RBFOX1: variants seen among roughly 807,000 people sequenced by gnomAD.
RBFOX1 encodes the protein RNA binding protein fox-1 homolog 1.
RBFOX1 carries 8 observed loss-of-function variants against 57.7 expected under a neutral mutation model. That is an observed-to-expected ratio of 0.14 (90% CI 0.08 to 0.25). The LOEUF (loss-of-function observed/expected upper bound fraction) is 0.25, where lower values mean the gene tolerates loss of function less well. RBFOX1 is among the 10% of genes least tolerant of loss of function. The probability of loss-of-function intolerance (pLI) is 1.00; values close to 1 mark genes in which losing one functional copy is unlikely to be tolerated. For missense variants in RBFOX1, 611 were observed against 548.5 expected (o/e 1.11, Z -1.14); for synonymous variants, 326 against 222.4 (o/e 1.47, Z -4.15).
At chr16:7,005,351 A>G (rs2093205371) in intron 3 of RBFOX1, among the ~76,000 whole-genome samples, 1 of 152,100 alleles carries the variant, frequency 6.6e-6, no homozygotes, top group South Asian at 2.1e-4. Flanking sequence ...GGGGAGAAAG[A>G]CTAAGTTGAC....
intron 4 of RBFOX1, among the ~76,000 whole-genome samples, chr16:7,446,326 C>A (rs1201476496): frequency 6.6e-6 from 1 of 152,106 alleles, no homozygotes; most frequent in East Asian, 1.9e-4. Flanking sequence ...GTCACTTTAT[C>A]CATGTTGTCC....
chr16:6,339,379 A>C (rs1328600222), intron 2 of RBFOX1, among the ~76,000 whole-genome samples: 1 of 152,206 alleles, frequency 6.6e-6, no homozygotes, highest in Non-Finnish European at 1.5e-5. Context: ...GGGTTACAGC[A>C]GAGAAAGTGG....
At chr16:5,698,700 T>C (rs1309305411) in intron 3 of RBFOX1, among the ~76,000 whole-genome samples, 1 of 152,222 alleles carries the variant, frequency 6.6e-6, no homozygotes, top group Non-Finnish European at 1.5e-5. Flanking sequence ...GCAACCCAAA[T>C]GTCTATTAAC....
At chr16:7,308,825 T>G (rs1485309220) in intron 4 of RBFOX1, among the ~76,000 whole-genome samples, 3 of 152,216 alleles carry the variant, frequency 2.0e-5, no homozygotes, top group African/African-American at 4.8e-5. Flanking sequence ...TTATAAATTT[T>G]GGAAACATTA....
chr16:7,166,265 C>G (rs909240922), intron 4 of RBFOX1, among the ~76,000 whole-genome samples: 1 of 141,618 alleles, frequency 7.1e-6, no homozygotes, highest in African/African-American at 2.4e-5. Context: ...CCACCCTTGT[C>G]GGACTTCCCA....
At chr16:6,429,975 A>G (rs2094031522) in intron 2 of RBFOX1, among the ~76,000 whole-genome samples, 1 of 151,960 alleles carries the variant, frequency 6.6e-6, no homozygotes, top group Non-Finnish European at 1.5e-5. Flanking sequence ...AGGTATGGTG[A>G]CACATGCCTG....
intron 2 of RBFOX1, among the ~76,000 whole-genome samples, chr16:6,579,935 C>A (rs574533751): frequency 6.6e-6 from 1 of 151,894 alleles, no homozygotes; most frequent in Non-Finnish European, 1.5e-5. Flanking sequence ...GGTTCATGGA[C>A]CTGTTCATCT....
chr16:7,120,815 T>TA (rs1567336352), intron 4 of RBFOX1, among the ~76,000 whole-genome samples: 9 of 113,588 alleles, frequency 7.9e-5, no homozygotes, highest in South Asian at 3.2e-4. Context: ...ATGTAATATT[T>TA]TATATATGTA....
intron 3 of RBFOX1, among the ~76,000 whole-genome samples, chr16:6,953,071 C>G (rs1287531836): frequency 1.3e-5 from 2 of 152,094 alleles, no homozygotes; most frequent in African/African-American, 4.8e-5. Context: ...GGTGGCGAAA[C>G]CAAGCCACAA....
intron 4 of RBFOX1, among the ~76,000 whole-genome samples, chr16:7,292,149 ATAAT>A (rs1483117388): frequency 7.6e-6 from 1 of 131,190 alleles, no homozygotes; most frequent in South Asian, 2.3e-4. Context: ...CGTATGATAT[ATAAT>A]ATAGAACGTA....
intron 1 of RBFOX1, among the ~76,000 whole-genome samples, chr16:5,417,580 A>G (rs1282413343): frequency 1.3e-5 from 2 of 152,202 alleles, no homozygotes; most frequent in South Asian, 2.1e-4. Context: ...GAAAACAACC[A>G]GAAGAGAGCA....
intron 3 of RBFOX1, among the ~76,000 whole-genome samples, chr16:7,031,866 C>A (rs2042888476): frequency 2.6e-5 from 4 of 152,258 alleles, no homozygotes; most frequent in South Asian, 4.1e-4. Flanking sequence ...ACAGGGAGCT[C>A]CACTACCTTG....
At chr16:6,173,116 C>T (rs1162615618) in intron 1 of RBFOX1, among the ~76,000 whole-genome samples, 1 of 152,148 alleles carries the variant, frequency 6.6e-6, no homozygotes, top group Non-Finnish European at 1.5e-5. Context: ...ACTAATTTTT[C>T]CCATTTCAAG....
intron 3 of RBFOX1, among the ~76,000 whole-genome samples, chr16:5,806,434 C>G (rs1353752069): frequency 6.6e-6 from 1 of 152,106 alleles, no homozygotes; most frequent in East Asian, 1.9e-4. Flanking sequence ...GAAAGGGAGC[C>G]AAAGCTAGTT....
chr16:7,047,531 G>C (rs1157543988), intron 3 of RBFOX1, among the ~76,000 whole-genome samples: 2 of 151,728 alleles, frequency 1.3e-5, no homozygotes. Flanking sequence ...TGTGGTTGTG[G>C]ATTTCGTTGA....
intron 2 of RBFOX1, among the ~76,000 whole-genome samples, chr16:5,594,834 A>T (rs2047128345): frequency 6.6e-6 from 1 of 152,014 alleles, no homozygotes; most frequent in South Asian, 2.1e-4. Context: ...AAGTATTTAT[A>T]TACACAAAAA....
chr16:7,175,930 G>A (rs1311280626), intron 4 of RBFOX1, among the ~76,000 whole-genome samples: 1 of 151,980 alleles, frequency 6.6e-6, no homozygotes, highest in Non-Finnish European at 1.5e-5. Context: ...CAATTCCTCT[G>A]CTGCACAGAC....
chr16:5,476,727 C>G (rs575502386), intron 2 of RBFOX1, among the ~76,000 whole-genome samples: 2 of 152,328 alleles, frequency 1.3e-5, no homozygotes, highest in East Asian at 3.9e-4. Context: ...ACCACCAGCT[C>G]CTTTCCCTGC....
At chr16:7,117,690 T>G (rs938162826) in intron 4 of RBFOX1, among the ~76,000 whole-genome samples, 5 of 152,222 alleles carry the variant, frequency 3.3e-5, no homozygotes, top group African/African-American at 1.2e-4. Context: ...CACAACACTC[T>G]TTTGTTATCT....
Sources: gnomAD v4.1 joint callset for allele counts (sites outside exome capture counted in the v4.1 genomes callset) on GRCh38, gnomAD v4.1.1 for gene constraint, MANE v1.5 for transcripts, NCBI Gene and HGNC (gene_info 2026-07-23, HGNC 2026-07-21) for gene names.